Variants in KLRF1 observed in about 807,000 individuals in gnomAD.
KLRF1 encodes the protein killer cell lectin like receptor F1, also known as killer cell lectin-like receptor subfamily F member 1.
A neutral mutation model predicts 30.7 loss-of-function variants in KLRF1; 27 were observed. The ratio of observed to expected loss-of-function variants is 0.88; its 90% CI spans 0.65 to 1.21. The LOEUF (loss-of-function observed/expected upper bound fraction) is 1.21. Ranked by LOEUF, KLRF1 falls within the 50% of genes most tolerant of loss-of-function variation. The probability of loss-of-function intolerance (pLI) is 0.00; values close to 1 mark genes in which losing one functional copy is unlikely to be tolerated. For synonymous variants in KLRF1, 92 were observed against 89.3 expected (o/e 1.03, Z -0.17); for missense variants, 246 against 259.3 (o/e 0.95, Z 0.35).
the KLRF1 span, among the ~76,000 whole-genome samples, chr12:9,812,418 A>G: frequency 6.7e-6 from 1 of 149,446 alleles, no homozygotes. Flanking sequence ...AATCTGAGTT[A>G]TGGTAGGACA....
At chr12:9,817,620 T>C in the KLRF1 span, 2 of 285,312 alleles carry the variant, frequency 7.0e-6, no homozygotes, top group Admixed American at 4.7e-5. Context: ...AGGTCCACGG[T>C]TTTTCTGTCC....
the KLRF1 span, among the ~76,000 whole-genome samples, chr12:9,821,463 T>C: frequency 6.6e-6 from 1 of 152,162 alleles, no homozygotes; most frequent in Non-Finnish European, 1.5e-5. Context: ...CCACAGGTCC[T>C]GCACACTTCC....
At chr12:9,831,496 G>A (rs1349784809) in intron 1 of KLRF1, among the ~76,000 whole-genome samples, 2 of 151,838 alleles carry the variant, frequency 1.3e-5, no homozygotes, top group Non-Finnish European at 2.9e-5. Context: ...GAATAATTTC[G>A]GTTACAATAG....
the KLRF1 span, among the ~76,000 whole-genome samples, chr12:9,818,995 G>A: frequency 6.6e-6 from 1 of 152,180 alleles, no homozygotes; most frequent in Non-Finnish European, 1.5e-5. Context: ...GCCCACCCGG[G>A]AGCAACATGG....
rs758778798 is a variant in KLRF1 at position 9,834,082 on chromosome 12, G to A, written c.334+630G>A. Among the ~76,000 whole-genome samples, 4 of 151,840 alleles carry A rather than the reference G, an allele frequency of 2.6e-5. No homozygotes were observed. The South Asian group carries it at 8.3e-4, about 32-fold the overall frequency. On this transcript the variant is annotated intron_variant, in intron 3 of 5. Coordinates refer to ENST00000617889, the MANE Select transcript of KLRF1 (RefSeq NM_016523.3). The stretch of plus-strand genomic sequence containing the variant: ...GGGTAATTCTCTGGCAGGCAGGAGT[G>A]GGGGTCACAAGGTGCTCAGTGGGGG...
the KLRF1 span, among the ~76,000 whole-genome samples, chr12:9,802,207 C>T: frequency 2.6e-5 from 4 of 151,958 alleles, no homozygotes; most frequent in Non-Finnish European, 4.4e-5. Context: ...AAATGTAATC[C>T]GTCACATAAA....
At chr12:9,803,421 T>C in the KLRF1 span, among the ~76,000 whole-genome samples, 1 of 152,038 alleles carries the variant, frequency 6.6e-6, no homozygotes. Flanking sequence ...TTTAAGTCTT[T>C]AGTTTGAAAA....
chr12:9,827,605 C>A lies in KLRF1; in HGVS notation c.61C>A (p.Gln21Lys). 6.2e-7 allele frequency: 1 copy of A among 1,602,948 alleles called. No homozygotes were observed. The highest frequency in any genetic ancestry group is 1.1e-5 in the South Asian group (1 of 90,404). The change falls in exon 1 of 6, where the codon CAA becomes AAA. Residue 21 changes from glutamine (Q) to lysine (K), a missense_variant. Physicochemically the swap from Gln to Lys is moderately conservative, Grantham distance 53. Coordinates refer to ENST00000617889, the MANE Select transcript of KLRF1 (RefSeq NM_016523.3). ...NVQSKKRSSA[Q>K]TSQLTFKDYS... The stretch of plus-strand genomic sequence containing the variant: ...ACAGTCAAAGAAAAGGAGTTCTGCC[C>A]AAACATCTCAACTTACATTTAAAGG...
the KLRF1 span, among the ~76,000 whole-genome samples, chr12:9,818,553 C>A: frequency 2.0e-5 from 3 of 152,174 alleles, no homozygotes; most frequent in Non-Finnish European, 2.9e-5. Context: ...GCATAGAAGG[C>A]AAATCTGTTC....
In KLRF1 at chr12:9,841,794, T is replaced by G. The variant is rs756641250; in HGVS notation, c.335-18T>G. On this transcript the variant is annotated intron_variant, in intron 3 of 5. Transcript: ENST00000617889. ...ATATGTAATTTAATTTCATTTTGTTTTCTACATTTCTCTGTAGTACTATGC... is the reference window on the plus strand; with the variant it reads ...ATATGTAATTTAATTTCATTTTGTTGTCTACATTTCTCTGTAGTACTATGC... The G allele has an allele frequency of 6.3e-7, 1 of 1,579,272 alleles. No individual in the cohort carries two copies. Among genetic ancestry groups the G allele is most frequent in the South Asian group, 1.2e-5 (1 of 86,318 alleles).
chr12:9,814,800 T>C, the KLRF1 span, among the ~76,000 whole-genome samples: 3 of 150,354 alleles, frequency 2.0e-5, no homozygotes, highest in South Asian at 6.4e-4. Flanking sequence ...AAAAGGTTAT[T>C]GTAATGGAGG....
chr12:9,828,232 A>G (rs1311545826), intron 1 of KLRF1, among the ~76,000 whole-genome samples: 1 of 151,884 alleles, frequency 6.6e-6, no homozygotes, highest in Non-Finnish European at 1.5e-5. Flanking sequence ...GGTGCCCGCC[A>G]CCATGCCTGG....
At chr12:9,834,967 G>C (rs1867538199) in intron 3 of KLRF1, among the ~76,000 whole-genome samples, 1 of 152,120 alleles carries the variant, frequency 6.6e-6, no homozygotes, top group Non-Finnish European at 1.5e-5. Flanking sequence ...TGATATGTCT[G>C]TGATGCTAGC....
At chr12:9,832,526 T>G (rs1419509616) in intron 2 of KLRF1, 112 bp downstream of exon 2, 20 of 646,722 alleles carry the variant, frequency 3.1e-5, no homozygotes, top group East Asian at 2.8e-4. Context: ...AAGATTGAAT[T>G]AGAAGCTACT....
chr12:9,839,751 C>T (rs1227039767), intron 3 of KLRF1, among the ~76,000 whole-genome samples: 1 of 152,054 alleles, frequency 6.6e-6, no homozygotes, highest in African/African-American at 2.4e-5. Context: ...AAATTGCTCA[C>T]ATATTTCTGG....
At chr12:9,836,332 A>G (rs1178390878) in intron 3 of KLRF1, among the ~76,000 whole-genome samples, 1 of 151,996 alleles carries the variant, frequency 6.6e-6, no homozygotes, top group Non-Finnish European at 1.5e-5. Context: ...ATTCTCAACT[A>G]CTTATAAATG....
chr12:9,833,598 A>G (rs1222754178), intron 3 of KLRF1, 146 bp downstream of exon 3: 2 of 585,732 alleles, frequency 3.4e-6, no homozygotes, highest in Non-Finnish European at 5.2e-6. Flanking sequence ...CGATTTAGGT[A>G]TCTTTAAACT....
In KLRF1 at chr12:9,841,816, A is replaced by T; in HGVS notation, c.339A>T (p.Leu113=). Residue 113 remains leucine (L), a synonymous_variant, in exon 4 of 6, where the codon CTA becomes CTT. Transcript: ENST00000617889. ...GTTTTCTACATTTCTCTGTAGTACT[A>T]TGCCAATCAGAATGGCTCAAATACC... ...CASRSADQTV[L]CQSEWLKYQG... 6.2e-7 allele frequency: 1 copy of T among 1,605,318 alleles called. No homozygotes were observed. Among genetic ancestry groups the T allele is most frequent in the Non-Finnish European group, 8.5e-7 (1 of 1,173,714 alleles).
chr12:9,822,868 A>G (rs1364904441), upstream of KLRF1, among the ~76,000 whole-genome samples: 1 of 152,224 alleles, frequency 6.6e-6, no homozygotes, highest in African/African-American at 2.4e-5. Flanking sequence ...ATGAAAAAAG[A>G]CAAAGAAGGA....
Sources: allele counts gnomAD v4.1 joint callset (sites outside exome capture counted in the v4.1 genomes callset), GRCh38; gene constraint gnomAD v4.1.1; transcripts MANE v1.5; gene names NCBI Gene and HGNC (gene_info 2026-07-23, HGNC 2026-07-21).